Variants in ERC2 observed in about 807,000 individuals in gnomAD.
The protein encoded by ERC2 is ELKS/RAB6-interacting/CAST family member 2, also known as ERC protein 2.
Under a neutral mutation model 114.8 loss-of-function variants are expected in ERC2, and 42 were observed. The ratio of observed to expected loss-of-function variants is 0.37; its 90% confidence interval spans 0.29 to 0.47. The LOEUF is 0.47. ERC2 is among the 20% of genes least tolerant of loss of function. ERC2 has a pLI of 0.99. For missense variants in ERC2, 939 were observed against 1,150.7 expected (o/e 0.82, Z 2.66); for synonymous variants, 454 against 425.5 (o/e 1.07, Z -0.82).
intron 4 of ERC2, among the ~76,000 whole-genome samples, chr3:56,152,918 T>A (rs537198104): frequency 5.9e-5 from 9 of 152,246 alleles, no homozygotes; most frequent in African/African-American, 1.9e-4. Flanking sequence ...AACACTGGAA[T>A]TGAACCCCAG....
At chr3:55,633,069 C>T (rs1277514662) in intron 17 of ERC2, among the ~76,000 whole-genome samples, 1 of 152,194 alleles carries the variant, frequency 6.6e-6, no homozygotes, top group Non-Finnish European at 1.5e-5. Context: ...GAAGTGCACA[C>T]ATGAGTAACC....
At chr3:56,323,948 A>G (rs556227204) in intron 2 of ERC2, among the ~76,000 whole-genome samples, 2 of 152,326 alleles carry the variant, frequency 1.3e-5, no homozygotes, top group African/African-American at 4.8e-5. Flanking sequence ...AGAAAAAAAA[A>G]GAAACCACTT....
intron 2 of ERC2, among the ~76,000 whole-genome samples, chr3:56,402,942 T>C (rs1270608421): frequency 1.3e-5 from 2 of 152,194 alleles, no homozygotes; most frequent in African/African-American, 4.8e-5. Context: ...CACTGTGGGA[T>C]ATTTAGCAGC....
At chr3:56,414,126 C>A (rs6803727) in intron 2 of ERC2, among the ~76,000 whole-genome samples, 82,830 of 151,932 alleles carry the variant, frequency 0.55, 24,235 homozygotes, top group East Asian at 0.77. Context: ...ACAAAGGCAG[C>A]TCCTCCCCCG....
intron 6 of ERC2, among the ~76,000 whole-genome samples, chr3:56,098,784 T>C (rs1212621150): frequency 3.3e-5 from 5 of 152,282 alleles, no homozygotes; most frequent in Non-Finnish European, 7.4e-5. Flanking sequence ...ACACACAAGT[T>C]TGGGGAGCCA....
rs76305023 is a variant in ERC2 at position 56,127,291 on chromosome 3, T to C, written c.1473+12218A>G. Among the ~76,000 whole-genome samples, 3,366 of 152,232 alleles carry C rather than the reference T, an allele frequency of 0.022. 303 individuals carry two copies. The East Asian group carries it at 0.29, about 13-fold the overall frequency. On this transcript the variant is annotated intron_variant, in intron 6 of 17. Transcript: ENST00000288221. ...AATGCAATCCCTATTAAAATATCAA[T>C]GACATTCTTCACAGAAATTGAAAAA...
chr3:56,080,368 T>G (rs547595180), intron 7 of ERC2, among the ~76,000 whole-genome samples: 4 of 152,306 alleles, frequency 2.6e-5, no homozygotes, highest in African/African-American at 9.6e-5. Flanking sequence ...AATTAAGTAA[T>G]GGGTATAAAA....
chr3:56,090,091 T>C (rs1244416045), intron 6 of ERC2, among the ~76,000 whole-genome samples: 1 of 152,232 alleles, frequency 6.6e-6, no homozygotes, highest in African/African-American at 2.4e-5. Context: ...TGAATCTTTC[T>C]GGATTCTTGA....
At chr3:55,593,635 T>C (rs2058005071) in intron 17 of ERC2, among the ~76,000 whole-genome samples, 1 of 152,196 alleles carries the variant, frequency 6.6e-6, no homozygotes, top group Non-Finnish European at 1.5e-5. Context: ...CCCCTAGTAA[T>C]ATCCCTGTCT....
At chr3:55,814,752 T>A (rs888076776) in intron 14 of ERC2, among the ~76,000 whole-genome samples, 1 of 152,202 alleles carries the variant, frequency 6.6e-6, no homozygotes, top group African/African-American at 2.4e-5. Flanking sequence ...ATGTTCCACA[T>A]GAAAGCATTT....
chr3:55,835,658 C>T lies in ERC2; in HGVS notation c.2564+52731G>A, dbSNP rs576926823. Among the ~76,000 whole-genome samples the T allele has an allele frequency of 1.3e-3, 197 of 152,230 alleles. 1 individual carries two copies. The highest frequency in any genetic ancestry group is 4.6e-3 in the African/African-American group (193 of 41,524). On this transcript the variant is annotated intron_variant, in intron 14 of 17. Coordinates refer to ENST00000288221, the MANE Select transcript of ERC2 (RefSeq NM_015576.3). ...CACAGCCAATATCATACTGAAGGGG[C>T]AAAAACTGGAAGCATTCCCTTTGAA...
chr3:56,382,258 G>A (rs1432710267), intron 2 of ERC2, among the ~76,000 whole-genome samples: 1 of 151,622 alleles, frequency 6.6e-6, no homozygotes, highest in Non-Finnish European at 1.5e-5. Context: ...CCCTGCTCAT[G>A]GATACCACTG....
chr3:56,314,622 T>A (rs575895990), intron 2 of ERC2, among the ~76,000 whole-genome samples: 1 of 152,034 alleles, frequency 6.6e-6, no homozygotes, highest in South Asian at 2.1e-4. Flanking sequence ...AATAAAGCAA[T>A]AGCACATAAA....
intron 6 of ERC2, among the ~76,000 whole-genome samples, chr3:56,133,971 G>A (rs994772534): frequency 1.3e-5 from 2 of 152,126 alleles, no homozygotes; most frequent in African/African-American, 2.4e-5. Flanking sequence ...AGGAACTCCC[G>A]AAATAATGAA....
intron 2 of ERC2, among the ~76,000 whole-genome samples, chr3:56,375,973 T>A (rs1454837138): frequency 6.6e-6 from 1 of 152,110 alleles, no homozygotes; most frequent in Non-Finnish European, 1.5e-5. Flanking sequence ...GAGAAACTGA[T>A]GCCCTCAGTC....
At chr3:56,032,171 A>G (rs939159383) in intron 7 of ERC2, among the ~76,000 whole-genome samples, 2 of 152,262 alleles carry the variant, frequency 1.3e-5, no homozygotes, top group Non-Finnish European at 2.9e-5. Context: ...TGCTGACACC[A>G]GCATCATGCT....
intron 4 of ERC2, among the ~76,000 whole-genome samples, chr3:56,158,571 C>A (rs1267116371): frequency 6.6e-6 from 1 of 152,072 alleles, no homozygotes; most frequent in East Asian, 1.9e-4. Context: ...CATGCCTTAA[C>A]TCATTTTAAT....
intron 2 of ERC2, among the ~76,000 whole-genome samples, chr3:56,414,599 C>A (rs1276212961): frequency 6.6e-6 from 1 of 151,958 alleles, no homozygotes; most frequent in East Asian, 1.9e-4. Context: ...GTGGCACGTG[C>A]CTGTAGTCCC....
At chr3:55,837,505 C>T (rs113959309) in intron 14 of ERC2, among the ~76,000 whole-genome samples, 25,364 of 149,370 alleles carry the variant, frequency 0.17, 2,417 homozygotes, top group East Asian at 0.23. Flanking sequence ...GTCGCAAGGA[C>T]AAAAAACCAA....
Sources: allele counts gnomAD v4.1 joint callset (sites outside exome capture counted in the v4.1 genomes callset), GRCh38; gene constraint gnomAD v4.1.1; transcripts MANE v1.5; gene names NCBI Gene and HGNC (gene_info 2026-07-23, HGNC 2026-07-21).